The following FARS2 variants were observed in gnomAD, a reference collection of about 807,000 sequenced individuals.
FARS2 encodes the protein phenylalanyl-tRNA synthetase 2, mitochondrial.
FARS2 carries 40 observed loss-of-function variants against 46.4 expected under a neutral mutation model. The ratio of observed to expected loss-of-function variants is 0.86; its 90% CI spans 0.67 to 1.12. The LOEUF is 1.12. Among genes scored for constraint, FARS2 ranks in the 50% most tolerant of loss-of-function variants. The probability of loss-of-function intolerance (pLI) is 0.00; values close to 1 mark genes in which losing one functional copy is unlikely to be tolerated. For synonymous variants in FARS2, 234 were observed against 214.9 expected, an observed-to-expected ratio of 1.09 and a Z score of -0.78; for missense variants, 513 against 567.9, an observed-to-expected ratio of 0.90 and a Z score of 0.98.
intron 4 of FARS2, among the ~76,000 whole-genome samples, chr6:5,491,966 A>G (rs1008738909): frequency 1.3e-5 from 2 of 152,042 alleles, no homozygotes; most frequent in Non-Finnish European, 2.9e-5. Context: ...CTCCTTTTAC[A>G]GGACTTAGTA....
At chr6:5,619,556 C>T (rs1451857093) in intron 6 of FARS2, among the ~76,000 whole-genome samples, 1 of 152,224 alleles carries the variant, frequency 6.6e-6, no homozygotes, top group Non-Finnish European at 1.5e-5. Context: ...CAGTTCTCTT[C>T]ATCCCTACTT....
intron 4 of FARS2, among the ~76,000 whole-genome samples, chr6:5,481,730 C>CATT (rs70975912): frequency 0.5 from 75,384 of 151,868 alleles, 19,627 homozygotes; most frequent in South Asian, 0.6. Context: ...CTTATCCAGC[C>CATT]TTTCCCTGGG....
At chr6:5,285,002 T>C (rs1416605513) in intron 1 of FARS2, among the ~76,000 whole-genome samples, 1 of 152,176 alleles carries the variant, frequency 6.6e-6, no homozygotes, top group Non-Finnish European at 1.5e-5. Flanking sequence ...ACCTCTAACG[T>C]TTTGTTAAGG....
chr6:5,464,190 A>G (rs1422819558), intron 4 of FARS2, among the ~76,000 whole-genome samples: 1 of 152,266 alleles, frequency 6.6e-6, no homozygotes, highest in East Asian at 1.9e-4. Context: ...TTAAGGGGCC[A>G]GCATTACATT....
chr6:5,300,368 T>G (rs1291787303), intron 1 of FARS2, among the ~76,000 whole-genome samples: 1 of 152,234 alleles, frequency 6.6e-6, no homozygotes, highest in Admixed American at 6.5e-5. Context: ...AGTGACATAG[T>G]GGAAATTCTT....
At chr6:5,643,080 T>C (rs545814908) in intron 6 of FARS2, among the ~76,000 whole-genome samples, 28 of 152,344 alleles carry the variant, frequency 1.8e-4, no homozygotes, top group Admixed American at 3.3e-4. Flanking sequence ...GATTAGTAAT[T>C]TATTTTAAAG....
chr6:5,623,644 G>A (rs1276089358), intron 6 of FARS2, among the ~76,000 whole-genome samples: 1 of 151,996 alleles, frequency 6.6e-6, no homozygotes, highest in Non-Finnish European at 1.5e-5. Flanking sequence ...GCCAGGAGGC[G>A]GAGGTCGCAG....
At chr6:5,706,122 C>G (rs546483175) in intron 6 of FARS2, among the ~76,000 whole-genome samples, 1 of 152,288 alleles carries the variant, frequency 6.6e-6, no homozygotes, top group South Asian at 2.1e-4. Context: ...ATCAGATTCT[C>G]ATAAGGAGCA....
At chr6:5,708,293 A>G (rs1009375646) in intron 6 of FARS2, among the ~76,000 whole-genome samples, 22 of 152,054 alleles carry the variant, frequency 1.4e-4, no homozygotes, top group African/African-American at 5.3e-4. Context: ...CTTGCATTGG[A>G]TGGATTTTTC....
intron 6 of FARS2, among the ~76,000 whole-genome samples, chr6:5,753,054 A>G (rs983123226): frequency 6.6e-5 from 10 of 152,158 alleles, no homozygotes; most frequent in African/African-American, 2.4e-4. Context: ...TGAGAAGTAT[A>G]TGAGATAGTC....
chr6:5,484,053 G>T (rs1291260448), intron 4 of FARS2, among the ~76,000 whole-genome samples: 1 of 152,086 alleles, frequency 6.6e-6, no homozygotes, highest in African/African-American at 2.4e-5. Flanking sequence ...CAGTGAGCTA[G>T]AATCATGCCA....
chr6:5,687,996 C>T (rs545782088), intron 6 of FARS2, among the ~76,000 whole-genome samples: 58 of 152,288 alleles, frequency 3.8e-4, no homozygotes, highest in African/African-American at 1.3e-3. Context: ...ATTTGGCTCT[C>T]TGTTTGTCTG....
At chr6:5,647,300 C>T (rs754912833) in intron 6 of FARS2, among the ~76,000 whole-genome samples, 1 of 152,136 alleles carries the variant, frequency 6.6e-6, no homozygotes, top group African/African-American at 2.4e-5. Flanking sequence ...TGTAGTTTGG[C>T]ACATACCAGA....
intron 1 of FARS2, among the ~76,000 whole-genome samples, chr6:5,341,209 ATATATATATATATATATATATATATATTT>A (rs1385467147): frequency 7.3e-3 from 27 of 3,696 alleles, no homozygotes; most frequent in African/African-American, 0.023. Flanking sequence ...ATATATATAT[ATATATATATATATATATATATATATATTT>A]TTTTTTTTTT....
chr6:5,646,440 C>A (rs1257008325), intron 6 of FARS2, among the ~76,000 whole-genome samples: 1 of 152,150 alleles, frequency 6.6e-6, no homozygotes, highest in Non-Finnish European at 1.5e-5. Flanking sequence ...GTCTCATGGT[C>A]CACTCCAGCA....
At position 5,311,941 on chromosome 6, in the gene FARS2, T is replaced by C. The variant is rs1437983418; in HGVS notation, c.-22+50281T>C. Reference sequence around the variant, plus strand: ...CCCATTGTAGGTTTGTCTGGGGGAGTGTAAGTTAGTTTAAATAACTTTCCG... The same window carrying C: ...CCCATTGTAGGTTTGTCTGGGGGAGCGTAAGTTAGTTTAAATAACTTTCCG... On this transcript the variant is annotated intron_variant, in intron 1 of 6. Coordinates refer to ENST00000274680, the MANE Select transcript of FARS2 (RefSeq NM_006567.5). The surrounding 1 kb of genome is among the most constrained non-coding windows in gnomAD (Gnocchi z 4.1). Among the ~76,000 whole-genome samples the C allele has an allele frequency of 6.6e-6, 1 of 152,120 alleles. No homozygotes were observed. The highest frequency in any genetic ancestry group is 2.4e-5 in the African/African-American group (1 of 41,426).
Position 5,545,421 on chromosome 6 carries a change from C to T in FARS2, c.1065+81C>T, listed in dbSNP as rs7749599. 0.91 allele frequency: 915,527 copies of T among 1,004,690 alleles called. 417,651 individuals carry two copies. Among genetic ancestry groups the T allele is most frequent in the East Asian group, 0.97 (37,930 of 39,122 alleles). 62.2% of individuals were successfully genotyped at this position (1,004,690 alleles called of 1,614,324 possible). ...GACAGGATCATGTACTTGAAAGCCA[C>T]TGAATTTTATTTTATTTATTTTATT... is the stretch of plus-strand genomic sequence containing the variant. On this transcript the variant is annotated intron_variant, in intron 5 of 6. Transcript: ENST00000274680.
chr6:5,753,253 G>T (rs142141312), intron 6 of FARS2, among the ~76,000 whole-genome samples: 70 of 152,180 alleles, frequency 4.6e-4, no homozygotes, highest in African/African-American at 1.6e-3. Flanking sequence ...TGGCCAGAGG[G>T]GACTCTACTT....
intron 6 of FARS2, among the ~76,000 whole-genome samples, chr6:5,743,673 A>G (rs1761476794): frequency 6.6e-6 from 1 of 152,234 alleles, no homozygotes. Flanking sequence ...GGGTGGCTTC[A>G]TAAGGGAGCA....
Sources: gnomAD v4.1 joint callset for allele counts (sites outside exome capture counted in the v4.1 genomes callset) on GRCh38, gnomAD v4.1.1 for gene constraint, Gnocchi (gnomAD v3.1) non-coding constraint, MANE v1.5 for transcripts, NCBI Gene and HGNC (gene_info 2026-07-23, HGNC 2026-07-21) for gene names.